The following ZNF106 variants were observed in gnomAD, a reference collection of about 807,000 sequenced individuals.
ZNF106 encodes the protein SH3-domain binding protein 3.
A neutral mutation model predicts 195.1 loss-of-function variants in ZNF106; 67 were observed. That is an observed-to-expected ratio of 0.34 (90% CI 0.28 to 0.42). The LOEUF (loss-of-function observed/expected upper bound fraction) is 0.42. Ranked by LOEUF, ZNF106 falls within the 10% of genes least tolerant of loss-of-function variation. The pLI, the probability that ZNF106 is intolerant of heterozygous loss-of-function variation, is 1.00. For missense variants in ZNF106, 2,118 were observed against 2,304.5 expected, an observed-to-expected ratio of 0.92 and a Z score of 1.66; for synonymous variants, 784 against 818.6, an observed-to-expected ratio of 0.96 and a Z score of 0.72.
intron 1 of ZNF106, among the ~76,000 whole-genome samples, chr15:42,487,317 A>G (rs2057038765): frequency 6.6e-6 from 1 of 151,388 alleles, no homozygotes; most frequent in South Asian, 2.1e-4. Context: ...CCTCCTCTTC[A>G]CACACACAAA....
intron 12 of ZNF106, among the ~76,000 whole-genome samples, chr15:42,437,725 G>A (rs936196873): frequency 2.0e-5 from 3 of 151,872 alleles, no homozygotes; most frequent in African/African-American, 7.3e-5. Flanking sequence ...TAGCCAACAT[G>A]GTGAAACCCC....
intron 1 of ZNF106, among the ~76,000 whole-genome samples, chr15:42,486,035 G>C (rs1348762825): frequency 3.4e-5 from 5 of 148,926 alleles, no homozygotes; most frequent in African/African-American, 1.2e-4. Context: ...TGAGCTCACT[G>C]CAACCTCCAC....
At chr15:42,470,164 A>G (rs1180216665) in intron 2 of ZNF106, among the ~76,000 whole-genome samples, 1 of 152,174 alleles carries the variant, frequency 6.6e-6, no homozygotes, top group Non-Finnish European at 1.5e-5. Context: ...TTATACACAT[A>G]TATTTAACTC....
At chr15:42,478,904 C>T (rs1196691644) in intron 1 of ZNF106, among the ~76,000 whole-genome samples, 1 of 152,192 alleles carries the variant, frequency 6.6e-6, no homozygotes, top group African/African-American at 2.4e-5. Flanking sequence ...TCTCCTTTGG[C>T]TCCCCTTGGC....
At chr15:42,453,670 A>G (rs1362978993) in intron 4 of ZNF106, among the ~76,000 whole-genome samples, 2 of 149,744 alleles carry the variant, frequency 1.3e-5, no homozygotes, top group East Asian at 1.9e-4. Context: ...ATCTTGGCTC[A>G]CTGCAACCTC....
Position 42,439,074 on chromosome 15 carries a change from G to A in ZNF106, c.4503C>T (p.Thr1501=), listed in dbSNP as rs199851664. ...SRSGCDEVSS[T]SEIGTRYKDG... Reference sequence around the variant, plus strand: ...CTTTATAGCGAGTGCCAATTTCACTGGTAGAGCTAACTTCATCACACCCAG... The same window carrying A: ...CTTTATAGCGAGTGCCAATTTCACTAGTAGAGCTAACTTCATCACACCCAG... The change falls in exon 11 of 22, where the codon ACC becomes ACT. Residue 1501 remains threonine, a synonymous_variant. Coordinates refer to ENST00000564754, the MANE Select transcript of ZNF106 (RefSeq NM_001366845.3). 5 of 1,613,986 alleles carry A rather than the reference G, an allele frequency of 3.1e-6. No individual in the cohort carries two copies. The highest frequency in any genetic ancestry group is 4.2e-6 in the Non-Finnish European group (5 of 1,179,998).
intron 13 of ZNF106, among the ~76,000 whole-genome samples, chr15:42,436,029 C>T (rs903660122): frequency 6.6e-6 from 1 of 151,646 alleles, no homozygotes; most frequent in Non-Finnish European, 1.5e-5. Flanking sequence ...TCTCAGCTCA[C>T]TGCAAGCTCT....
intron 1 of ZNF106, among the ~76,000 whole-genome samples, chr15:42,484,002 A>G (rs2056958528): frequency 6.6e-6 from 1 of 152,152 alleles, no homozygotes; most frequent in Non-Finnish European, 1.5e-5. Flanking sequence ...AATTGTGGCT[A>G]TTTCTGAGGC....
intron 16 of ZNF106, 184 bp from the exon 17 acceptor site, chr15:42,424,244 A>G (rs1328416621): frequency 1.8e-6 from 1 of 567,800 alleles, no homozygotes; most frequent in Admixed American, 3.4e-5. Flanking sequence ...CAAGCATGCT[A>G]ATGAACTGAC....
intron 1 of ZNF106, among the ~76,000 whole-genome samples, chr15:42,478,756 C>T (rs1286134709): frequency 6.6e-6 from 1 of 152,032 alleles, no homozygotes. Context: ...AGGCTATCTG[C>T]CCTCCTTGGC....
rs750947549 is a variant in ZNF106 at position 42,448,125 on chromosome 15, C to G, written c.3082G>C (p.Gly1028Arg). The change falls in exon 6 of 22, where the codon GGT becomes CGT. Residue 1028 changes from glycine (G) to arginine (R), a missense_variant. Transcript: ENST00000564754. ...DAATDSSCTS[G>R]AEQNDGQSIR... is the part of the protein sequence containing the mutation. ...CTTTGGCCATCATTTTGTTCAGCAC[C>G]AGAGGTACAGCTACTATCTGTGGCT... 5.0e-6 allele frequency: 8 copies of G among 1,613,982 alleles called. No individual in the cohort carries two copies. The highest frequency in any genetic ancestry group is 6.8e-6 in the Non-Finnish European group (8 of 1,180,010).
At chr15:42,460,923 C>G (rs1393432946) in intron 3 of ZNF106, among the ~76,000 whole-genome samples, 1 of 151,244 alleles carries the variant, frequency 6.6e-6, no homozygotes, top group Admixed American at 6.6e-5. Context: ...TAACATTTTT[C>G]TTATAAATAA....
At chr15:42,444,291 T>C in intron 8 of ZNF106, 29 bp from the exon 9 acceptor site, 1 of 1,571,578 alleles carries the variant, frequency 6.4e-7, no homozygotes. Context: ...ATTAAGCATT[T>C]TGAAATCCAA....
chr15:42,473,871 T>C (rs746859402), intron 1 of ZNF106, among the ~76,000 whole-genome samples: 2 of 152,182 alleles, frequency 1.3e-5, no homozygotes, highest in African/African-American at 4.8e-5. Context: ...GCTGTATAAC[T>C]TAAGAGGCTG....
At chr15:42,470,763 C>T (rs1289248368) in intron 2 of ZNF106, among the ~76,000 whole-genome samples, 2 of 152,178 alleles carry the variant, frequency 1.3e-5, no homozygotes, top group Non-Finnish European at 2.9e-5. Context: ...CTTTCCATCT[C>T]ACATCTTCTC....
At chr15:42,432,435 A>G (rs2055083781) in intron 14 of ZNF106, among the ~76,000 whole-genome samples, 1 of 152,200 alleles carries the variant, frequency 6.6e-6, no homozygotes, top group South Asian at 2.1e-4. Flanking sequence ...GGATACAGGC[A>G]TGAGCCGCAG....
intron 10 of ZNF106, 36 bp downstream of exon 10, chr15:42,442,037 C>T: frequency 6.5e-7 from 1 of 1,537,832 alleles, no homozygotes. Flanking sequence ...AGTCTCACTA[C>T]TGGGATGCCC....
intron 14 of ZNF106, among the ~76,000 whole-genome samples, chr15:42,432,343 G>C (rs373840693): frequency 5.9e-5 from 9 of 151,820 alleles, no homozygotes; most frequent in East Asian, 5.8e-4. Context: ...ATTTTTTGTG[G>C]AGACGGGATC....
chr15:42,438,348 G>A (rs1343748807), intron 12 of ZNF106, among the ~76,000 whole-genome samples: 3 of 152,258 alleles, frequency 2.0e-5, no homozygotes, highest in South Asian at 2.1e-4. Context: ...TAGAGATAGC[G>A]CCACTGCACT....
Sources: gnomAD v4.1 joint callset for allele counts (sites outside exome capture counted in the v4.1 genomes callset) on GRCh38, gnomAD v4.1.1 for gene constraint, MANE v1.5 for transcripts, NCBI Gene and HGNC (gene_info 2026-07-23, HGNC 2026-07-21) for gene names.